SAMD5: variants seen among roughly 807,000 people sequenced by gnomAD.
The protein encoded by SAMD5 is sterile alpha motif domain containing 5, also known as sterile alpha motif domain-containing protein 5.
A neutral mutation model predicts 11.3 loss-of-function variants in SAMD5; 13 were observed. The ratio of observed to expected loss-of-function variants is 1.15; its 90% confidence interval spans 0.75 to 1.83. The LOEUF is 1.83. Among genes scored for constraint, SAMD5 ranks in the 40% most tolerant of loss-of-function variants. The pLI is 0.00. For missense variants in SAMD5, 255 were observed against 239.1 expected (o/e 1.07, Z -0.44); for synonymous variants, 129 against 111.3 (o/e 1.16, Z -1.00).
chr6:147,533,922 T>C (rs763890658), intron 1 of SAMD5, among the ~76,000 whole-genome samples: 3 of 152,190 alleles, frequency 2.0e-5, no homozygotes, highest in African/African-American at 7.2e-5. Flanking sequence ...TTAATCAACA[T>C]CTAAAAACTA....
the SAMD5 span, among the ~76,000 whole-genome samples, chr6:147,936,963 T>C: frequency 1.3e-5 from 2 of 152,106 alleles, no homozygotes; most frequent in African/African-American, 4.8e-5. Context: ...AATGTGAGTG[T>C]GTGTGTTGAG....
At chr6:147,882,671 AT>A in the SAMD5 span, among the ~76,000 whole-genome samples, 2 of 152,204 alleles carry the variant, frequency 1.3e-5, no homozygotes, top group Non-Finnish European at 1.5e-5. Flanking sequence ...TTGATACGGC[AT>A]TTGTTCAGCA....
At chr6:147,954,426 T>C in the SAMD5 span, among the ~76,000 whole-genome samples, 1 of 152,164 alleles carries the variant, frequency 6.6e-6, no homozygotes, top group Non-Finnish European at 1.5e-5. Context: ...TCTTATCTCC[T>C]AGTGACACGG....
At chr6:147,666,404 C>G (rs1357767041) in intron 1 of SAMD5, among the ~76,000 whole-genome samples, 1 of 152,152 alleles carries the variant, frequency 6.6e-6, no homozygotes, top group Non-Finnish European at 1.5e-5. Flanking sequence ...CGACTTCATT[C>G]ACATGCTGTG....
intron 1 of SAMD5, among the ~76,000 whole-genome samples, chr6:147,678,317 T>C (rs896682189): frequency 1.3e-5 from 2 of 152,176 alleles, no homozygotes; most frequent in Non-Finnish European, 2.9e-5. Flanking sequence ...CTCTCATTGT[T>C]ATGCTGTTAT....
chr6:147,611,005 G>C (rs1326947353), intron 1 of SAMD5, among the ~76,000 whole-genome samples: 3 of 151,866 alleles, frequency 2.0e-5, no homozygotes, highest in East Asian at 3.9e-4. Flanking sequence ...GAGTAGCTGG[G>C]ACTACAGGTA....
At chr6:147,846,761 A>G in the SAMD5 span, among the ~76,000 whole-genome samples, 1 of 152,214 alleles carries the variant, frequency 6.6e-6, no homozygotes, top group African/African-American at 2.4e-5. Context: ...CAGAGGTTGC[A>G]GCACGCTGAG....
intron 1 of SAMD5, among the ~76,000 whole-genome samples, chr6:147,719,660 G>A (rs1241167868): frequency 6.6e-6 from 1 of 152,212 alleles, no homozygotes; most frequent in Admixed American, 6.5e-5. Context: ...ACTATGGTAC[G>A]TCTCATTAGA....
the SAMD5 span, among the ~76,000 whole-genome samples, chr6:147,893,356 T>C: frequency 2.0e-5 from 3 of 152,180 alleles, no homozygotes; most frequent in Admixed American, 1.3e-4. Flanking sequence ...TAGTAAGTTA[T>C]GGACCCAGAA....
chr6:147,759,251 C>G, the SAMD5 span, among the ~76,000 whole-genome samples: 1 of 152,148 alleles, frequency 6.6e-6, no homozygotes, highest in African/African-American at 2.4e-5. Context: ...TCTTGGAAGG[C>G]AGAAGAAATC....
the SAMD5 span, among the ~76,000 whole-genome samples, chr6:147,802,674 T>C: frequency 1.4e-4 from 21 of 151,492 alleles, no homozygotes; most frequent in African/African-American, 4.6e-4. Flanking sequence ...AGAGAATGTA[T>C]AAACACATTG....
At chr6:147,896,306 C>T in the SAMD5 span, among the ~76,000 whole-genome samples, 7 of 151,834 alleles carry the variant, frequency 4.6e-5, no homozygotes, top group African/African-American at 1.7e-4. Context: ...AGCATCACTG[C>T]AGAGACGTTC....
chr6:147,930,411 T>A, the SAMD5 span, among the ~76,000 whole-genome samples: 1 of 152,092 alleles, frequency 6.6e-6, no homozygotes, highest in East Asian at 1.9e-4. Flanking sequence ...CTCATACCGA[T>A]TTTCAGTCAG....
At chr6:147,605,886 T>C (rs1789692353) in intron 1 of SAMD5, among the ~76,000 whole-genome samples, 1 of 152,034 alleles carries the variant, frequency 6.6e-6, no homozygotes, top group African/African-American at 2.4e-5. Flanking sequence ...TAAAACTGTT[T>C]CCCATGGGGT....
intron 1 of SAMD5, among the ~76,000 whole-genome samples, chr6:147,591,049 G>C (rs562224089): frequency 6.6e-6 from 1 of 151,936 alleles, no homozygotes; most frequent in Admixed American, 6.6e-5. Context: ...TTAAAAAGCT[G>C]TTAAACAATG....
At chr6:147,596,496 T>C (rs1789532988) in intron 1 of SAMD5, among the ~76,000 whole-genome samples, 1 of 152,024 alleles carries the variant, frequency 6.6e-6, no homozygotes, top group Non-Finnish European at 1.5e-5. Context: ...TAATGGAGAC[T>C]AATGTTCATT....
intron 1 of SAMD5, among the ~76,000 whole-genome samples, chr6:147,546,293 G>A (rs1167842263): frequency 1.3e-5 from 2 of 152,152 alleles, no homozygotes; most frequent in Non-Finnish European, 2.9e-5. Context: ...ACTTTGGGAG[G>A]CCAAGGCGGG....
chr6:147,816,527 C>G, the SAMD5 span, among the ~76,000 whole-genome samples: 1 of 151,114 alleles, frequency 6.6e-6, no homozygotes, highest in Non-Finnish European at 1.5e-5. Context: ...TTATCACATA[C>G]AAAAGGCAGG....
chr6:147,937,348 T>C, the SAMD5 span, among the ~76,000 whole-genome samples: 1 of 152,208 alleles, frequency 6.6e-6, no homozygotes, highest in Non-Finnish European at 1.5e-5. Flanking sequence ...GGCATGCTTA[T>C]GTCATCTGTA....
Sources: gnomAD v4.1 joint callset for allele counts (sites outside exome capture counted in the v4.1 genomes callset) on GRCh38, gnomAD v4.1.1 for gene constraint, MANE v1.5 for transcripts, NCBI Gene and HGNC (gene_info 2026-07-23, HGNC 2026-07-21) for gene names.